ST18: variants seen among roughly 807,000 people sequenced by gnomAD.
The protein encoded by ST18 is suppression of tumorigenicity 18 protein.
ST18 carries 50 observed loss-of-function variants against 110.0 expected under a neutral mutation model. The ratio of observed to expected loss-of-function variants is 0.45; its 90% CI spans 0.36 to 0.58. ST18 has a LOEUF of 0.58. Among genes scored for constraint, ST18 ranks in the 20% least tolerant of loss-of-function variants. The pLI is 0.00. For missense variants in ST18, 1,306 were observed against 1,280.1 expected (o/e 1.02, Z -0.31); for synonymous variants, 461 against 452.4 (o/e 1.02, Z -0.24).
chr8:52,241,243 G>A (rs1011901209), intron 2 of ST18, among the ~76,000 whole-genome samples: 2 of 152,158 alleles, frequency 1.3e-5, no homozygotes, highest in Non-Finnish European at 2.9e-5. Context: ...GCTGGAACCT[G>A]GTCAATGCTC....
At chr8:52,356,998 T>C (rs977510800) in intron 2 of ST18, among the ~76,000 whole-genome samples, 2 of 152,192 alleles carry the variant, frequency 1.3e-5, no homozygotes, top group Non-Finnish European at 2.9e-5. Flanking sequence ...TGAAATAATC[T>C]GTACAACAAA....
chr8:52,375,101 C>T (rs1039964718), intron 2 of ST18, among the ~76,000 whole-genome samples: 1 of 152,102 alleles, frequency 6.6e-6, no homozygotes, highest in African/African-American at 2.4e-5. Context: ...CTTTTACTCT[C>T]TCTTTCTCTC....
At chr8:52,219,560 A>G (rs565791761) in intron 5 of ST18, among the ~76,000 whole-genome samples, 35 of 152,326 alleles carry the variant, frequency 2.3e-4, no homozygotes, top group Non-Finnish European at 4.9e-4. Flanking sequence ...GAAGAATCGA[A>G]GGATGTGTGC....
At chr8:52,388,655 G>A (rs1048864869) in intron 2 of ST18, among the ~76,000 whole-genome samples, 1 of 151,976 alleles carries the variant, frequency 6.6e-6, no homozygotes, top group East Asian at 1.9e-4. Context: ...ACAAAGGAGG[G>A]ATGGAAGGGA....
At chr8:52,124,368 G>T (rs1420867267) in intron 23 of ST18, among the ~76,000 whole-genome samples, 1 of 151,850 alleles carries the variant, frequency 6.6e-6, no homozygotes, top group African/African-American at 2.4e-5. Context: ...TAGAAATGGG[G>T]TTTCACCATG....
intron 2 of ST18, chr8:52,407,755 C>T (rs1420897142): frequency 1.3e-5 from 2 of 152,152 alleles, no homozygotes; most frequent in Non-Finnish European, 2.9e-5. Context: ...AGTTTCAAGA[C>T]ATCTGTTTGG....
At chr8:52,149,675 G>A in intron 16 of ST18, 57 bp downstream of exon 16, 1 of 1,567,098 alleles carries the variant, frequency 6.4e-7, no homozygotes, top group East Asian at 2.3e-5. Flanking sequence ...GGAAAAGCTA[G>A]TGATACCCTG....
intron 22 of ST18, 62 bp from the exon 23 acceptor site, chr8:52,126,202 T>C: frequency 6.6e-7 from 1 of 1,504,074 alleles, no homozygotes; most frequent in East Asian, 2.4e-5. Flanking sequence ...AAAATTAAAA[T>C]GTTTTATTCA....
In ST18 at chr8:52,166,633, CT is replaced by C. The variant is rs568386700; in HGVS notation, c.1204+218del. ...CTGGACACTGTGAGGAACTAGCTGT[CT>C]TTCCTATGGCAATTGTCTCTTGATC... On this transcript the variant is annotated intron_variant, in intron 11 of 25. Transcript: ENST00000689386. Among the ~76,000 whole-genome samples the C allele has an allele frequency of 2.6e-3, 398 of 152,372 alleles. 2 individuals are homozygous for C. The highest frequency in any genetic ancestry group is 9.2e-3 in the African/African-American group (383 of 41,594).
chr8:52,115,236 A>G (rs1251309623), intron 25 of ST18, among the ~76,000 whole-genome samples: 1 of 152,224 alleles, frequency 6.6e-6, no homozygotes, highest in Non-Finnish European at 1.5e-5. Flanking sequence ...TCTATAAATA[A>G]TTTCATATAT....
intron 10 of ST18, among the ~76,000 whole-genome samples, chr8:52,168,102 A>C (rs2063599788): frequency 6.6e-6 from 1 of 151,288 alleles, no homozygotes; most frequent in South Asian, 2.1e-4. Flanking sequence ...TGGGAATAAC[A>C]CCAACCATGG....
chr8:52,401,403 T>TA (rs1370512473), intron 2 of ST18, among the ~76,000 whole-genome samples: 3 of 152,182 alleles, frequency 2.0e-5, no homozygotes, highest in African/African-American at 7.2e-5. Flanking sequence ...ACTCATTTGT[T>TA]AAATAAGTTT....
In ST18 at chr8:52,270,570, T is replaced by A. The variant is rs1378211096; in HGVS notation, c.-464-40493A>T. 2.6e-5 allele frequency among the ~76,000 whole-genome samples: 4 copies of A among 152,168 alleles called. No individual in the cohort carries two copies. The South Asian group carries it at 8.3e-4, about 32-fold the overall frequency. ...TAATTGAAACTTAAAAATTACTAAG[T>A]CTGTGACATGATGGATATGAAATTA... is the stretch of plus-strand genomic sequence containing the variant. On this transcript the variant is annotated intron_variant, in intron 2 of 25. Coordinates refer to ENST00000689386, the MANE Select transcript of ST18 (RefSeq NM_001352837.2).
chr8:52,273,339 A>T lies in ST18; in HGVS notation c.-464-43262T>A, dbSNP rs568320602. Among the ~76,000 whole-genome samples the T allele has an allele frequency of 1.1e-4, 16 of 152,342 alleles. 1 individual carries two copies. The South Asian group carries it at 3.3e-3, about 32-fold the overall frequency. ...AATTAAATTTGAATAAGAAAGAACT[A>T]TCTGGAGAATTTCAACACAACAGAA... is the stretch of plus-strand genomic sequence containing the variant. On this transcript the variant is annotated intron_variant, in intron 2 of 25. Transcript: ENST00000689386.
At chr8:52,330,717 G>A (rs924529413) in intron 2 of ST18, among the ~76,000 whole-genome samples, 5 of 152,348 alleles carry the variant, frequency 3.3e-5, no homozygotes, top group East Asian at 1.9e-4. Context: ...AGGTGATGGC[G>A]TGGGCAGGAA....
intron 8 of ST18, among the ~76,000 whole-genome samples, chr8:52,181,237 G>A (rs756935214): frequency 1.9e-4 from 29 of 152,160 alleles, no homozygotes; most frequent in Non-Finnish European, 3.4e-4. Flanking sequence ...CCAGAGAAGA[G>A]AATCCTAGAC....
chr8:52,136,518 A>T (rs2052390055), intron 19 of ST18, 72 bp downstream of exon 19: 9 of 1,446,986 alleles, frequency 6.2e-6, no homozygotes, highest in Non-Finnish European at 7.6e-6. Context: ...CACTTGGGCA[A>T]TGAATGGGCA....
intron 2 of ST18, among the ~76,000 whole-genome samples, chr8:52,246,950 G>A (rs1260340635): frequency 6.6e-6 from 1 of 152,136 alleles, no homozygotes; most frequent in African/African-American, 2.4e-5. Flanking sequence ...TGAGTCAGTG[G>A]AAGAACCAGG....
chr8:52,384,786 G>GCTGTGTGT (rs147007096), intron 2 of ST18, among the ~76,000 whole-genome samples: 28 of 147,386 alleles, frequency 1.9e-4, no homozygotes, highest in Non-Finnish European at 2.9e-4. Context: ...TGTGTACACA[G>GCTGTGTGT]GTGTGTGTGT....
Sources: allele counts gnomAD v4.1 joint callset (sites outside exome capture counted in the v4.1 genomes callset), GRCh38; gene constraint gnomAD v4.1.1; transcripts MANE v1.5; gene names NCBI Gene and HGNC (gene_info 2026-07-23, HGNC 2026-07-21).